SGMS1: variants seen among roughly 807,000 people sequenced by gnomAD.
SGMS1 encodes phosphatidylcholine:ceramide cholinephosphotransferase 1.
In SGMS1, 13 loss-of-function variants were observed where a neutral mutation model predicts 46.2. The ratio of observed to expected loss-of-function variants is 0.28; its 90% confidence interval spans 0.18 to 0.45. SGMS1 has a LOEUF of 0.45. SGMS1 is among the 20% of genes least tolerant of loss of function. SGMS1 has a pLI of 1.00. For missense variants in SGMS1, 324 were observed against 519.9 expected, an observed-to-expected ratio of 0.62 and a Z score of 3.66; for synonymous variants, 203 against 187.8, an observed-to-expected ratio of 1.08 and a Z score of -0.66.
At chr10:50,532,324 T>G (rs1837962453) in intron 2 of SGMS1, among the ~76,000 whole-genome samples, 1 of 151,228 alleles carries the variant, frequency 6.6e-6, no homozygotes, top group African/African-American at 2.4e-5. Context: ...CCTTATGCCC[T>G]GAGATGCTAG....
At chr10:50,603,571 A>C (rs1838667989) in intron 1 of SGMS1, among the ~76,000 whole-genome samples, 1 of 152,216 alleles carries the variant, frequency 6.6e-6, no homozygotes, top group Admixed American at 6.5e-5. Context: ...CACAGTCTTG[A>C]GATACAGTAT....
intron 2 of SGMS1, among the ~76,000 whole-genome samples, chr10:50,564,783 ATTTTT>A (rs1838273869): frequency 6.8e-6 from 1 of 147,152 alleles, no homozygotes; most frequent in Non-Finnish European, 1.5e-5. Context: ...TTATTTATTT[ATTTTT>A]TAAGTTTTTT....
chr10:50,537,852 G>A (rs1176841886), intron 2 of SGMS1, among the ~76,000 whole-genome samples: 1 of 152,126 alleles, frequency 6.6e-6, no homozygotes, highest in East Asian at 1.9e-4. Flanking sequence ...TTCACTGTGA[G>A]AGCACAAAAG....
intron 6 of SGMS1, among the ~76,000 whole-genome samples, chr10:50,383,940 T>C (rs1848645319): frequency 6.6e-6 from 1 of 152,172 alleles, no homozygotes; most frequent in Non-Finnish European, 1.5e-5. Context: ...TTGGGGATAA[T>C]TAGATCATGA....
chr10:50,364,100 GA>G (rs1002684010), intron 6 of SGMS1, among the ~76,000 whole-genome samples: 5 of 151,220 alleles, frequency 3.3e-5, no homozygotes, highest in Admixed American at 6.6e-5. Context: ...AGAAAAAGTT[GA>G]AAAAAAATTT....
chr10:50,590,376 TA>T (rs1206017791), intron 1 of SGMS1, 129 bp from the exon 2 acceptor site: 2 of 152,196 alleles, frequency 1.3e-5, no homozygotes, highest in East Asian at 1.9e-4. Context: ...AACTTTTTAA[TA>T]GGGGAAAAAG....
chr10:50,476,668 G>A (rs1469184087), intron 3 of SGMS1, among the ~76,000 whole-genome samples: 1 of 152,132 alleles, frequency 6.6e-6, no homozygotes, highest in African/African-American at 2.4e-5. Flanking sequence ...TGTGGGCCAG[G>A]CCTAGGACAC....
intron 6 of SGMS1, among the ~76,000 whole-genome samples, chr10:50,426,387 C>A (rs1184827124): frequency 6.6e-6 from 1 of 152,160 alleles, no homozygotes; most frequent in Non-Finnish European, 1.5e-5. Flanking sequence ...TTTAAAAAAT[C>A]TGGTTGTGCA....
rs541963739 is a variant in SGMS1 at position 50,523,675 on chromosome 10, C to G, written c.-588-3754G>C. On this transcript the variant is annotated intron_variant, in intron 2 of 10. Transcript: ENST00000361781. ...GAATCCTTTTCATATAAATCATTTT[C>G]TGGTGTATTTCCATGTCTACTTATA... Among the ~76,000 whole-genome samples, 18 of 152,322 alleles carry G rather than the reference C, an allele frequency of 1.2e-4. No homozygotes were observed. In the East Asian group the frequency reaches 2.1e-3, roughly 18 times the overall value.
At chr10:50,503,527 A>G (rs775168187) in intron 3 of SGMS1, among the ~76,000 whole-genome samples, 2 of 151,822 alleles carry the variant, frequency 1.3e-5, no homozygotes, top group African/African-American at 2.4e-5. Flanking sequence ...CCAGAGAACA[A>G]CCCCCTTTGA....
intron 5 of SGMS1, among the ~76,000 whole-genome samples, chr10:50,457,165 C>T (rs1837202382): frequency 6.6e-6 from 1 of 152,064 alleles, no homozygotes; most frequent in African/African-American, 2.4e-5. Context: ...TGCAAAAGAA[C>T]ATTTAAGCAC....
At chr10:50,399,506 A>C (rs1848899076) in intron 6 of SGMS1, among the ~76,000 whole-genome samples, 1 of 152,220 alleles carries the variant, frequency 6.6e-6, no homozygotes. Context: ...GAATGTGTTA[A>C]ATTATATACA....
At chr10:50,378,699 G>T (rs1848556320) in intron 6 of SGMS1, among the ~76,000 whole-genome samples, 1 of 152,182 alleles carries the variant, frequency 6.6e-6, no homozygotes, top group South Asian at 2.1e-4. Context: ...AATATTTGCT[G>T]AATGAATAAG....
upstream of SGMS1, chr10:50,624,788 G>A: frequency 4.1e-6 from 4 of 986,368 alleles, 1 homozygote; most frequent in Middle Eastern, 5.2e-4. Flanking sequence ...TGGCCTTCCC[G>A]CCCCGATGCC....
At chr10:50,525,245 G>T (rs1055259797) in intron 2 of SGMS1, among the ~76,000 whole-genome samples, 2 of 152,178 alleles carry the variant, frequency 1.3e-5, no homozygotes, top group Non-Finnish European at 2.9e-5. Flanking sequence ...CAAATTGAAT[G>T]AGTGAAGATT....
intron 6 of SGMS1, among the ~76,000 whole-genome samples, chr10:50,370,757 A>G (rs1323689986): frequency 1.3e-5 from 2 of 150,920 alleles, no homozygotes; most frequent in African/African-American, 4.9e-5. Context: ...AAAAAAAAAA[A>G]GACACAAACA....
intron 2 of SGMS1, among the ~76,000 whole-genome samples, chr10:50,584,531 A>G (rs1207611849): frequency 4.0e-5 from 6 of 150,146 alleles, no homozygotes; most frequent in Admixed American, 4.0e-4. Context: ...GATCAACTAC[A>G]CCTTAACTTT....
At chr10:50,353,899 T>G in intron 6 of SGMS1, among the ~76,000 whole-genome samples, 1 of 152,160 alleles carries the variant, frequency 6.6e-6, no homozygotes, top group Non-Finnish European at 1.5e-5. Context: ...GAAGGACCTC[T>G]TCAAGGAGAA....
chr10:50,622,343 C>T (rs1838859924), intron 1 of SGMS1, among the ~76,000 whole-genome samples: 1 of 152,158 alleles, frequency 6.6e-6, no homozygotes, highest in African/African-American at 2.4e-5. Flanking sequence ...ACACCCATCG[C>T]GTTCCTACGT....
Sources: gnomAD v4.1 joint callset for allele counts (sites outside exome capture counted in the v4.1 genomes callset) on GRCh38, gnomAD v4.1.1 for gene constraint, MANE v1.5 for transcripts, NCBI Gene and HGNC (gene_info 2026-07-23, HGNC 2026-07-21) for gene names.